The following ZNF469 variants were observed in gnomAD, a reference collection of about 807,000 sequenced individuals.
ZNF469 encodes the protein zinc finger protein 469.
In ZNF469, 1 loss-of-function variant was observed where a neutral mutation model predicts 1.0. That is an observed-to-expected ratio of 1.00 (90% CI 0.35 to 4.73). The LOEUF is 4.73. Among genes scored for constraint, ZNF469 ranks in the 30% most tolerant of loss-of-function variants. The pLI, the probability that ZNF469 is intolerant of heterozygous loss-of-function variation, is 0.16. For missense variants in ZNF469, 6,100 were observed against 5,356.3 expected (o/e 1.14, Z -4.33); for synonymous variants, 2,703 against 2,363.4 (o/e 1.14, Z -4.17).
chr16:88,382,264 T>C (rs1277813197), upstream of ZNF469, among the ~76,000 whole-genome samples: 1 of 152,242 alleles, frequency 6.6e-6, no homozygotes, highest in Non-Finnish European at 1.5e-5. Flanking sequence ...CCGTGTGGCC[T>C]TGGGCAGGTT....
At chr16:88,248,731 C>G in the ZNF469 span, among the ~76,000 whole-genome samples, 2 of 152,172 alleles carry the variant, frequency 1.3e-5, no homozygotes, top group South Asian at 4.1e-4. Flanking sequence ...TCTGGACTCC[C>G]CCACATTGCA....
chr16:88,110,814 G>A, the ZNF469 span, among the ~76,000 whole-genome samples: 50 of 152,344 alleles, frequency 3.3e-4, 1 homozygote, highest in South Asian at 2.1e-4. Flanking sequence ...GGATTTCCAC[G>A]AGGGGCCCAG....
chr16:88,126,018 G>A, the ZNF469 span, among the ~76,000 whole-genome samples: 4 of 151,418 alleles, frequency 2.6e-5, no homozygotes, highest in Admixed American at 6.6e-5. Flanking sequence ...GTGAAACCCC[G>A]TCTTTACTAA....
the ZNF469 span, among the ~76,000 whole-genome samples, chr16:88,303,535 C>T: frequency 6.6e-6 from 1 of 152,226 alleles, no homozygotes; most frequent in South Asian, 2.1e-4. Flanking sequence ...GAACATTCTA[C>T]TTGTGCTTCT....
the ZNF469 span, among the ~76,000 whole-genome samples, chr16:88,112,538 T>C: frequency 2.0e-5 from 3 of 152,210 alleles, no homozygotes; most frequent in African/African-American, 7.2e-5. Context: ...CGATCAATGA[T>C]GCTGAGCTCC....
chr16:88,102,833 C>T, the ZNF469 span, among the ~76,000 whole-genome samples: 9 of 152,370 alleles, frequency 5.9e-5, no homozygotes, highest in African/African-American at 1.9e-4. Context: ...CGCCTCCATC[C>T]GCCGGGACCT....
chr16:88,200,241 G>A, the ZNF469 span, among the ~76,000 whole-genome samples: 34,475 of 152,148 alleles, frequency 0.23, 4,370 homozygotes, highest in Non-Finnish European at 0.3. Flanking sequence ...AGGAGCCAGC[G>A]GGTGAAGTGG....
At chr16:88,285,146 C>G in the ZNF469 span, among the ~76,000 whole-genome samples, 12 of 152,282 alleles carry the variant, frequency 7.9e-5, no homozygotes, top group Non-Finnish European at 1.8e-4. Flanking sequence ...ATGACCATCA[C>G]TGACTGTGGA....
chr16:88,397,164 G>T (rs1355616518), intron 1 of ZNF469, among the ~76,000 whole-genome samples: 1 of 152,244 alleles, frequency 6.6e-6, no homozygotes, highest in African/African-American at 2.4e-5. Context: ...GCCTCTGTCT[G>T]ACCAGCACAG....
At chr16:88,411,552 C>T (rs1462742673) in intron 1 of ZNF469, among the ~76,000 whole-genome samples, 1 of 137,060 alleles carries the variant, frequency 7.3e-6, no homozygotes, top group Non-Finnish European at 1.6e-5. Context: ...GAGCATGGCT[C>T]TCCCGCATGG....
chr16:88,135,321 T>C, the ZNF469 span, among the ~76,000 whole-genome samples: 1 of 152,264 alleles, frequency 6.6e-6, no homozygotes, highest in Admixed American at 6.5e-5. Flanking sequence ...GTTCTACTGC[T>C]CAATGTTTGG....
the ZNF469 span, among the ~76,000 whole-genome samples, chr16:88,129,317 G>T: frequency 2.6e-5 from 4 of 152,224 alleles, no homozygotes; most frequent in Non-Finnish European, 5.9e-5. Flanking sequence ...CTCTCGGCGG[G>T]GTCTGGCGGG....
intron 1 of ZNF469, among the ~76,000 whole-genome samples, chr16:88,402,822 C>A (rs1464212579): frequency 6.6e-6 from 1 of 152,194 alleles, no homozygotes; most frequent in African/African-American, 2.4e-5. Flanking sequence ...CTTCATCTTA[C>A]CAGTGCGGAA....
chr16:88,278,707 A>G, the ZNF469 span, among the ~76,000 whole-genome samples: 49 of 124,924 alleles, frequency 3.9e-4, no homozygotes, highest in East Asian at 6.2e-4. Context: ...GCTGTGCGAC[A>G]CTGACGCTCA....
chr16:88,172,398 G>A, the ZNF469 span, among the ~76,000 whole-genome samples: 1 of 152,232 alleles, frequency 6.6e-6, no homozygotes, highest in Admixed American at 6.5e-5. Flanking sequence ...AGTGTTGCCT[G>A]AGAAATGGTG....
the ZNF469 span, among the ~76,000 whole-genome samples, chr16:88,159,978 G>C: frequency 2.6e-3 from 402 of 152,290 alleles, 2 homozygotes; most frequent in African/African-American, 8.7e-3. Flanking sequence ...GCAGGTATTT[G>C]GGCCCAAGGC....
At chr16:88,132,132 G>C in the ZNF469 span, among the ~76,000 whole-genome samples, 1 of 152,154 alleles carries the variant, frequency 6.6e-6, no homozygotes, top group Non-Finnish European at 1.5e-5. Flanking sequence ...CTGTGGCCCC[G>C]GCCATACCGA....
the ZNF469 span, among the ~76,000 whole-genome samples, chr16:88,233,922 C>T: frequency 3.2e-3 from 492 of 152,314 alleles, 3 homozygotes; most frequent in African/African-American, 0.012. Flanking sequence ...GAAATTTGAA[C>T]CTTGGTTTAG....
At chr16:88,297,950 C>G in the ZNF469 span, among the ~76,000 whole-genome samples, 1 of 152,194 alleles carries the variant, frequency 6.6e-6, no homozygotes, top group African/African-American at 2.4e-5. Context: ...GCCTGTGCTC[C>G]CAGCTTGAGG....
Sources: gnomAD v4.1 joint callset for allele counts (sites outside exome capture counted in the v4.1 genomes callset) on GRCh38, gnomAD v4.1.1 for gene constraint, MANE v1.5 for transcripts, NCBI Gene and HGNC (gene_info 2026-07-23, HGNC 2026-07-21) for gene names.